BCKDHB: variants seen among roughly 807,000 people sequenced by gnomAD.
BCKDHB encodes the protein branched chain keto acid dehydrogenase E1 subunit beta, also known as 2-oxoisovalerate dehydrogenase subunit beta, mitochondrial.
A neutral mutation model predicts 48.5 loss-of-function variants in BCKDHB; 41 were observed. The ratio of observed to expected loss-of-function variants is 0.85; its 90% CI spans 0.66 to 1.10. The LOEUF (loss-of-function observed/expected upper bound fraction) is 1.10, where lower values mean the gene tolerates loss of function less well. Among genes scored for constraint, BCKDHB ranks in the 50% least tolerant of loss-of-function variants. The pLI is 0.00. For missense variants in BCKDHB, 496 were observed against 494.2 expected (o/e 1.00, Z -0.03); for synonymous variants, 201 against 174.8 (o/e 1.15, Z -1.18).
At chr6:80,188,557 C>T (rs1014428072) in intron 6 of BCKDHB, among the ~76,000 whole-genome samples, 1 of 151,900 alleles carries the variant, frequency 6.6e-6, no homozygotes, top group Non-Finnish European at 1.5e-5. Context: ...GAAGATCACT[C>T]GAGCCTGGGA....
intron 1 of BCKDHB, among the ~76,000 whole-genome samples, chr6:80,124,666 T>C (rs944622666): frequency 6.6e-6 from 1 of 152,170 alleles, no homozygotes; most frequent in Non-Finnish European, 1.5e-5. Context: ...TTTTGATCTG[T>C]GGAAAACAAC....
the BCKDHB span, among the ~76,000 whole-genome samples, chr6:80,402,461 G>A: frequency 1.3e-5 from 2 of 151,626 alleles, no homozygotes; most frequent in East Asian, 1.9e-4. Flanking sequence ...AGGTTATTTG[G>A]TATGTTTGCT....
At chr6:80,428,330 A>T in the BCKDHB span, among the ~76,000 whole-genome samples, 2 of 152,280 alleles carry the variant, frequency 1.3e-5, no homozygotes, top group Non-Finnish European at 2.9e-5. Flanking sequence ...TGCAGTAAAC[A>T]TACGTGTGCA....
the BCKDHB span, chr6:80,355,512 T>G: frequency 6.6e-6 from 1 of 151,590 alleles, no homozygotes; most frequent in Non-Finnish European, 1.5e-5. Context: ...TTAAGTGAAA[T>G]ATTTCGGAGA....
the BCKDHB span, among the ~76,000 whole-genome samples, chr6:80,388,202 G>A: frequency 1.3e-5 from 2 of 152,194 alleles, no homozygotes; most frequent in Non-Finnish European, 2.9e-5. Context: ...AACTGGAGGA[G>A]GCTCTGAAAC....
chr6:80,273,174 G>C lies in BCKDHB; in HGVS notation c.991G>C (p.Ala331Pro). The change falls in exon 9 of 10, where the codon GCT (alanine) becomes CCT (proline). Residue 331 changes from alanine (A) to proline (P), a missense_variant. Coordinates refer to ENST00000320393, the MANE Select transcript of BCKDHB (RefSeq NM_183050.4). ...KTGRLLISHEAPLTGGFASEI... is the reference protein window; with the variant it reads ...KTGRLLISHEPPLTGGFASEI... Reference sequence around the variant, plus strand: ...AGGGCGACTGCTAATCAGTCACGAGGCTCCCTTGACAGGCGGCTTTGCATC... The same window carrying C: ...AGGGCGACTGCTAATCAGTCACGAGCCTCCCTTGACAGGCGGCTTTGCATC... The C allele has an allele frequency of 6.2e-7, 1 of 1,613,550 alleles. No homozygotes were observed. Among genetic ancestry groups the C allele is most frequent in the Non-Finnish European group, 8.5e-7 (1 of 1,179,674 alleles).
intron 4 of BCKDHB, among the ~76,000 whole-genome samples, chr6:80,168,202 CTT>C (rs1772673589): frequency 1.3e-5 from 2 of 151,986 alleles, no homozygotes; most frequent in Non-Finnish European, 2.9e-5. Context: ...AGGAGGATAA[CTT>C]AAACCAGGAG....
At chr6:80,385,114 A>G in the BCKDHB span, among the ~76,000 whole-genome samples, 1 of 152,208 alleles carries the variant, frequency 6.6e-6, no homozygotes, top group East Asian at 1.9e-4. Flanking sequence ...AGAACCAAGG[A>G]CATAATGAAG....
intron 9 of BCKDHB, among the ~76,000 whole-genome samples, chr6:80,306,822 T>G (rs1767903167): frequency 6.6e-6 from 1 of 152,180 alleles, no homozygotes; most frequent in Non-Finnish European, 1.5e-5. Context: ...AGCTTCCTTG[T>G]GGAAGTTGGC....
chr6:80,383,338 G>A, the BCKDHB span, among the ~76,000 whole-genome samples: 1 of 152,040 alleles, frequency 6.6e-6, no homozygotes, highest in African/African-American at 2.4e-5. Context: ...TGACATATAA[G>A]AATAATAGCA....
rs112007681 is a variant in BCKDHB, at chr6:80,151,430, T to G, written c.344-16248T>G. On this transcript the variant is annotated intron_variant, in intron 3 of 9. Coordinates refer to ENST00000320393, the MANE Select transcript of BCKDHB (RefSeq NM_183050.4). ...ATTTTTAAAACTAACTTTTTTTTTT[T>G]TTGTTTTTTTGTTTTTGGCCAAACA... 5.4e-5 allele frequency among the ~76,000 whole-genome samples: 7 copies of G among 130,712 alleles called. No homozygotes were observed. In the East Asian group the frequency reaches 1.3e-3, roughly 24 times the overall value. The allele number at this position is 130,712 out of a possible 152,430, so 85.8% of individuals were successfully genotyped here.
chr6:80,151,429 T>TTG (rs1554187131), intron 3 of BCKDHB, among the ~76,000 whole-genome samples: 7 of 151,284 alleles, frequency 4.6e-5, no homozygotes, highest in African/African-American at 9.8e-5. Context: ...CTTTTTTTTT[T>TTG]TTTGTTTTTT....
chr6:80,151,539 T>C (rs770781669), intron 3 of BCKDHB, among the ~76,000 whole-genome samples: 5 of 152,086 alleles, frequency 3.3e-5, no homozygotes, highest in Non-Finnish European at 7.4e-5. Flanking sequence ...GCAGTGAGAC[T>C]CAGATATTTT....
chr6:80,345,143 C>T lies in BCKDHB; in HGVS notation c.*1339C>T, dbSNP rs561472134. On this transcript the variant is annotated 3_prime_UTR_variant, in exon 10 of 10. Coordinates refer to ENST00000320393, the MANE Select transcript of BCKDHB (RefSeq NM_183050.4). ...AGCCCCTTCAGTGGTGTTATTCTAA[C>T]AAAATGAATACATTACAAATTATTA... The T allele has an allele frequency of 1.0e-3, 159 of 152,228 alleles. No individual in the cohort carries two copies. Among genetic ancestry groups the T allele is most frequent in the African/African-American group, 3.6e-3 (150 of 41,550 alleles). The allele number at this position is 152,228 out of a possible 1,614,324, so 9.4% of individuals were successfully genotyped here.
chr6:80,246,839 GCA>G (rs1328282907), intron 8 of BCKDHB, among the ~76,000 whole-genome samples: 1 of 151,770 alleles, frequency 6.6e-6, no homozygotes, highest in Non-Finnish European at 1.5e-5. Flanking sequence ...GTACACACTT[GCA>G]CACACACATA....
intron 6 of BCKDHB, among the ~76,000 whole-genome samples, chr6:80,172,656 A>T (rs2127780825): frequency 2.0e-5 from 3 of 152,184 alleles, no homozygotes; most frequent in Admixed American, 2.0e-4. Context: ...TGAGGCGTGT[A>T]CAGTATTGTT....
chr6:80,188,117 T>C (rs929886286), intron 6 of BCKDHB, among the ~76,000 whole-genome samples: 1 of 152,070 alleles, frequency 6.6e-6, no homozygotes, highest in Non-Finnish European at 1.5e-5. Flanking sequence ...GAAAATGTAG[T>C]ATATATACAC....
intron 8 of BCKDHB, among the ~76,000 whole-genome samples, chr6:80,236,906 G>T (rs1776169173): frequency 6.6e-6 from 1 of 152,088 alleles, no homozygotes; most frequent in African/African-American, 2.4e-5. Flanking sequence ...AACTTTCAAC[G>T]TCAAGTAAAA....
intron 8 of BCKDHB, among the ~76,000 whole-genome samples, chr6:80,246,149 C>T (rs969939300): frequency 2.6e-5 from 4 of 152,046 alleles, no homozygotes; most frequent in Admixed American, 2.6e-4. Flanking sequence ...TTTAGGATAA[C>T]CTTGATATTG....
Sources: gnomAD v4.1 joint callset for allele counts (sites outside exome capture counted in the v4.1 genomes callset) on GRCh38, gnomAD v4.1.1 for gene constraint, MANE v1.5 for transcripts, NCBI Gene and HGNC (gene_info 2026-07-23, HGNC 2026-07-21) for gene names.